DNAJA2: variants seen among roughly 807,000 people sequenced by gnomAD.
The protein encoded by DNAJA2 is dnaJ homolog subfamily A member 2.
Under a neutral mutation model 49.3 loss-of-function variants are expected in DNAJA2, and 6 were observed. That is an observed-to-expected ratio of 0.12 (90% confidence interval 0.07 to 0.24). DNAJA2 has a LOEUF of 0.24. DNAJA2 is among the 10% of genes least tolerant of loss of function. DNAJA2 has a pLI of 1.00. For missense variants in DNAJA2, 347 were observed against 516.8 expected, an observed-to-expected ratio of 0.67 and a Z score of 3.19; for synonymous variants, 160 against 172.7, an observed-to-expected ratio of 0.93 and a Z score of 0.58.
intron 4 of DNAJA2, among the ~76,000 whole-genome samples, 197 bp downstream of exon 4, chr16:46,967,887 C>T (rs148966873): frequency 1.3e-5 from 2 of 152,202 alleles, no homozygotes; most frequent in African/African-American, 4.8e-5. Flanking sequence ...GCAACCTTCA[C>T]CTCTCGGGTT....
At chr16:46,970,014 T>C (rs920750631) in intron 3 of DNAJA2, among the ~76,000 whole-genome samples, 20 of 152,176 alleles carry the variant, frequency 1.3e-4, no homozygotes, top group Admixed American at 6.5e-4. Flanking sequence ...AAAAAACAAA[T>C]TTAAGGATTC....
At chr16:46,967,799 A>AT (rs1366013486) in intron 4 of DNAJA2, among the ~76,000 whole-genome samples, 153 bp from the exon 5 acceptor site, 2 of 152,062 alleles carry the variant, frequency 1.3e-5, no homozygotes, top group Non-Finnish European at 2.9e-5. Flanking sequence ...TTCTGCTAAG[A>AT]TTTTTTTACT....
chr16:46,970,355 A>C (rs1318301975), intron 3 of DNAJA2, among the ~76,000 whole-genome samples: 4 of 152,258 alleles, frequency 2.6e-5, no homozygotes, highest in Non-Finnish European at 5.9e-5. Flanking sequence ...ACTGAGGATC[A>C]AGTAATGAGT....
chr16:46,964,271 C>T (rs1452443498), intron 6 of DNAJA2, among the ~76,000 whole-genome samples: 1 of 152,002 alleles, frequency 6.6e-6, no homozygotes, highest in Admixed American at 6.6e-5. Flanking sequence ...ACTCGGGAGG[C>T]TGAGGCAGGA....
At chr16:46,963,628 G>A (rs1054412682) in intron 6 of DNAJA2, among the ~76,000 whole-genome samples, 1 of 152,024 alleles carries the variant, frequency 6.6e-6, no homozygotes, top group African/African-American at 2.4e-5. Context: ...TTGGGCCCAG[G>A]GGCGAAGGTT....
chr16:46,963,018 T>G (rs1443989719), intron 6 of DNAJA2, among the ~76,000 whole-genome samples: 2 of 152,210 alleles, frequency 1.3e-5, no homozygotes, highest in Non-Finnish European at 1.5e-5. Flanking sequence ...AAATATAACC[T>G]TTAAATTATA....
intron 7 of DNAJA2, 68 bp from the exon 8 acceptor site, chr16:46,959,198 G>A (rs1402165457): frequency 7.6e-6 from 12 of 1,580,654 alleles, no homozygotes; most frequent in Middle Eastern, 1.7e-4. Flanking sequence ...TTAGAGTTAT[G>A]CAGTATAAAA....
At chr16:46,965,532 T>C (rs1961956777) in intron 5 of DNAJA2, among the ~76,000 whole-genome samples, 2 of 152,148 alleles carry the variant, frequency 1.3e-5, no homozygotes, top group South Asian at 4.1e-4. Flanking sequence ...AAACACGTTC[T>C]TCAAAATGGT....
At position 46,959,119 on chromosome 16, in the gene DNAJA2, C is replaced by A; in HGVS notation, c.931G>T (p.Val311Leu). 1 of 1,607,004 alleles carries A rather than the reference C, an allele frequency of 6.2e-7. No individual in the cohort carries two copies. The highest frequency in any genetic ancestry group is 8.5e-7 in the Non-Finnish European group (1 of 1,176,494). Residue 311 changes from valine to leucine, a missense_variant, in exon 8 of 9, where the codon GTA becomes TTA. Val to Leu is a conservative substitution (Grantham distance 32, BLOSUM62 1). Transcript: ENST00000317089. ...GKVIEPGCVR[V>L]VRGEGMPQYR... The stretch of plus-strand genomic sequence containing the variant: ...TGCGGCATCCCTTCACCTCGAACTA[C>A]ACGAACACACCCTATTATTTAAGAG...
In DNAJA2 at chr16:46,973,659, G is replaced by C; in HGVS notation, c.-87C>G. 1.4e-6 allele frequency: 2 copies of C among 1,394,714 alleles called. No individual in the cohort carries two copies. Among genetic ancestry groups the C allele is most frequent in the Non-Finnish European group, 2.0e-6 (2 of 1,022,424 alleles). The allele number at this position is 1,394,714 out of a possible 1,614,324, so 86.4% of individuals were successfully genotyped here. ...CACAAGCGGCGTCGGCGGCGGCACAGGCCGAGGGAGACAGCGAGGGGGAAG... is the reference window on the plus strand; with the variant it reads ...CACAAGCGGCGTCGGCGGCGGCACACGCCGAGGGAGACAGCGAGGGGGAAG... On this transcript the variant is annotated 5_prime_UTR_variant, in exon 1 of 9. Coordinates refer to ENST00000317089, the MANE Select transcript of DNAJA2 (RefSeq NM_005880.4).
In DNAJA2 at chr16:46,971,524, G is replaced by A; in HGVS notation, c.187C>T (p.Arg63Cys). 3 of 1,609,422 alleles carry A rather than the reference G, an allele frequency of 1.9e-6. No individual in the cohort carries two copies. Among genetic ancestry groups the A allele is most frequent in the Non-Finnish European group, 2.5e-6 (3 of 1,178,698 alleles). Residue 63 changes from arginine (R) to cysteine (C), a missense_variant, in exon 3 of 9, where the codon CGT becomes TGT. Arg to Cys is a radical substitution (Grantham distance 180). Transcript: ENST00000317089. ...AYEVLSNPEK[R>C]ELYDRYGEQG... ...TCTCCGTATCTGTCATATAACTCAC[G>A]CTTCTCAGGATTTGATAGTACTTCA...
chr16:46,961,738 T>G (rs568430261), intron 6 of DNAJA2, among the ~76,000 whole-genome samples: 4 of 152,194 alleles, frequency 2.6e-5, no homozygotes, highest in Admixed American at 2.6e-4. Flanking sequence ...GTTAAAAGTT[T>G]AAACAGAATA....
chr16:46,961,620 C>G (rs1303271398), intron 6 of DNAJA2, among the ~76,000 whole-genome samples: 1 of 150,938 alleles, frequency 6.6e-6, no homozygotes. Flanking sequence ...AAGAGATACA[C>G]ATCACGTTCT....
intron 5 of DNAJA2, among the ~76,000 whole-genome samples, chr16:46,967,231 C>T (rs994322914): frequency 6.6e-6 from 1 of 152,058 alleles, no homozygotes; most frequent in African/African-American, 2.4e-5. Context: ...GGACCACAGA[C>T]ATGCCCTGAG....
intron 5 of DNAJA2, 62 bp from the exon 6 acceptor site, chr16:46,964,869 A>G: frequency 7.7e-7 from 1 of 1,294,992 alleles, no homozygotes; most frequent in Non-Finnish European, 1.1e-6. Flanking sequence ...TAATACCCTT[A>G]TTCTTTAAAT....
intron 5 of DNAJA2, 136 bp downstream of exon 5, chr16:46,967,377 G>T: frequency 8.6e-7 from 1 of 1,165,558 alleles, no homozygotes; most frequent in Non-Finnish European, 1.2e-6. Flanking sequence ...ATAGGAATGA[G>T]CTAACGCACC....
intron 5 of DNAJA2, among the ~76,000 whole-genome samples, chr16:46,967,200 C>T (rs892116756): frequency 2.6e-5 from 4 of 152,040 alleles, no homozygotes; most frequent in African/African-American, 9.7e-5. Flanking sequence ...AATCCTCCCG[C>T]CTCAGCCTCC....
rs1198303547 is a variant in DNAJA2 at position 46,964,699 on chromosome 16, T to C, written c.686A>G (p.Gln229Arg). ...VHVDKGMKHG[Q>R]RITFTGEADQ... ...TGCTTCCCCAGTGAATGTAATTCTC[T>C]GTCCATGTTTCATGCCTTTGTCTAC... Residue 229 changes from glutamine (Q) to arginine (R), a missense_variant, in exon 6 of 9, where the codon CAG (glutamine) becomes CGG (arginine). Coordinates refer to ENST00000317089, the MANE Select transcript of DNAJA2 (RefSeq NM_005880.4). 3.1e-6 allele frequency: 5 copies of C among 1,614,248 alleles called. No individual in the cohort carries two copies. The highest frequency in any genetic ancestry group is 4.2e-6 in the Non-Finnish European group (5 of 1,180,032).
rs1961810212 is a variant in DNAJA2, at chr16:46,956,340, ATTCTT to A, written c.*684_*688del. On this transcript the variant is annotated 3_prime_UTR_variant, in exon 9 of 9. Coordinates refer to ENST00000317089, the MANE Select transcript of DNAJA2 (RefSeq NM_005880.4). ...GTTTAAGAACCAGTACTAAGGATAC[ATTCTT>A]TTATGTTTTTCCTTCTAAAAATGTG... 6.6e-6 allele frequency: 1 copy of A among 152,118 alleles called. No homozygotes were observed. Among genetic ancestry groups the A allele is most frequent in the Non-Finnish European group, 1.5e-5 (1 of 68,074 alleles). 9.4% of individuals were successfully genotyped at this position (152,118 alleles called of 1,614,324 possible). A position where few individuals can be genotyped will look rare whatever the true frequency, so the allele number is the denominator to read the frequency against.
Sources: allele counts gnomAD v4.1 joint callset (sites outside exome capture counted in the v4.1 genomes callset), GRCh38; gene constraint gnomAD v4.1.1; transcripts MANE v1.5; gene names NCBI Gene and HGNC (gene_info 2026-07-23, HGNC 2026-07-21).